The following CPEB3 variants were observed in gnomAD, a reference collection of about 807,000 sequenced individuals.
CPEB3 encodes cytoplasmic polyadenylation element-binding protein 3.
In CPEB3, 20 loss-of-function variants were observed where a neutral mutation model predicts 67.2. The observed-to-expected ratio is 0.30, with a 90% CI of 0.21 to 0.43. The LOEUF is 0.43. CPEB3 is among the 20% of genes least tolerant of loss of function. The probability of loss-of-function intolerance (pLI) is 1.00; values close to 1 mark genes in which losing one functional copy is unlikely to be tolerated. For missense variants in CPEB3, 746 were observed against 968.6 expected, an observed-to-expected ratio of 0.77 and a Z score of 3.05; for synonymous variants, 376 against 393.1, an observed-to-expected ratio of 0.96 and a Z score of 0.51.
At chr10:92,189,717 T>C (rs1165434548) in intron 3 of CPEB3, among the ~76,000 whole-genome samples, 1 of 145,518 alleles carries the variant, frequency 6.9e-6, no homozygotes, top group African/African-American at 2.6e-5. Context: ...TTTTTTTTTT[T>C]TTTTTTTTGA....
intron 2 of CPEB3, among the ~76,000 whole-genome samples, chr10:92,215,443 C>A (rs1415274316): frequency 6.7e-6 from 1 of 149,814 alleles, no homozygotes; most frequent in Non-Finnish European, 1.5e-5. Context: ...TGAGTCACTG[C>A]ACCTGGCTTT....
chr10:92,226,479 G>A (rs893127690), intron 2 of CPEB3, among the ~76,000 whole-genome samples: 3 of 152,186 alleles, frequency 2.0e-5, no homozygotes, highest in African/African-American at 4.8e-5. Flanking sequence ...ACATGTAAAT[G>A]ACCAATAAAT....
At chr10:92,085,669 C>T (rs909007357) in intron 8 of CPEB3, among the ~76,000 whole-genome samples, 1 of 152,046 alleles carries the variant, frequency 6.6e-6, no homozygotes, top group Non-Finnish European at 1.5e-5. Flanking sequence ...AGTGCAGTGA[C>T]ACGATCTCGG....
intron 2 of CPEB3, among the ~76,000 whole-genome samples, chr10:92,198,619 C>T (rs1382314397): frequency 2.6e-5 from 4 of 152,186 alleles, no homozygotes; most frequent in Non-Finnish European, 4.4e-5. Flanking sequence ...ATAAAAGTAG[C>T]TCTGGAACCA....
chr10:92,288,608 T>C (rs1016230869), intron 1 of CPEB3, among the ~76,000 whole-genome samples: 3 of 152,228 alleles, frequency 2.0e-5, no homozygotes, highest in East Asian at 3.8e-4. Flanking sequence ...AGGATTTTTT[T>C]CTACTTTAAA....
Position 92,052,036 on chromosome 10 carries a change from CTG to C in CPEB3, c.*174_*175del, listed in dbSNP as rs1367364787. 3.5e-6 allele frequency: 2 copies of C among 576,264 alleles called. No homozygotes were observed. The highest frequency in any genetic ancestry group is 3.7e-5 in the African/African-American group (2 of 53,582). The allele number at this position is 576,264 out of a possible 1,614,324, so 35.7% of individuals were successfully genotyped here. A position where few individuals can be genotyped will look rare whatever the true frequency, so the allele number is the denominator to read the frequency against. ...CTGCAATTCTGCATTATACTGGACA[CTG>C]AGTTCAGTAATATGACTGTAAATAA... On this transcript the variant is annotated 3_prime_UTR_variant, in exon 10 of 10. Coordinates refer to ENST00000265997, the MANE Select transcript of CPEB3 (RefSeq NM_014912.5).
intron 4 of CPEB3, among the ~76,000 whole-genome samples, chr10:92,159,502 T>C (rs1220759483): frequency 6.6e-6 from 1 of 151,906 alleles, no homozygotes; most frequent in Non-Finnish European, 1.5e-5. Context: ...TGAAACCCCA[T>C]CTCTACTAAA....
chr10:92,192,643 A>G lies in CPEB3; in HGVS notation c.1006-7T>C, dbSNP rs1849035796. On this transcript the variant is annotated splice_region_variant and splice_polypyrimidine_tract_variant and intron_variant, in intron 2 of 9. Coordinates refer to ENST00000265997, the MANE Select transcript of CPEB3 (RefSeq NM_014912.5). The stretch of plus-strand genomic sequence containing the variant: ...CATAGGGCCTACTCCGGTCCTAAGA[A>G]TAAAAACAAAAACAAGACAATACAT... 6.4e-7 allele frequency: 1 copy of G among 1,570,502 alleles called. No homozygotes were observed. The highest frequency in any genetic ancestry group is 1.2e-5 in the South Asian group (1 of 83,684).
intron 4 of CPEB3, among the ~76,000 whole-genome samples, chr10:92,168,566 T>A (rs1176408035): frequency 6.6e-6 from 1 of 152,126 alleles, no homozygotes. Flanking sequence ...TGGGAGGTAA[T>A]TGAATCATGG....
chr10:92,216,942 C>T (rs1850437079), intron 2 of CPEB3: 1 of 665,580 alleles, frequency 1.5e-6, no homozygotes, highest in African/African-American at 1.8e-5. Context: ...ACAGCCCTTT[C>T]ATGAAGGTAA....
intron 2 of CPEB3, chr10:92,216,445 G>C (rs1850400442): frequency 6.2e-7 from 1 of 1,612,842 alleles, no homozygotes; most frequent in Middle Eastern, 1.8e-4. Flanking sequence ...CGCAGCTCCT[G>C]GCTTCTCGCC....
At chr10:92,144,294 CAGGGTCT>C (rs1485361958) in intron 5 of CPEB3, among the ~76,000 whole-genome samples, 2 of 152,086 alleles carry the variant, frequency 1.3e-5, no homozygotes, top group African/African-American at 4.8e-5. Context: ...ACTTATGAGA[CAGGGTCT>C]CACTCTGTCA....
chr10:92,118,772 C>T lies in CPEB3; in HGVS notation c.1454-7578G>A, dbSNP rs181578853. The T allele has an allele frequency of 7.3e-5, 55 of 755,112 alleles. No homozygotes were observed. The East Asian group carries it at 1.2e-3, about 17-fold the overall frequency. The allele number at this position is 755,112 out of a possible 1,614,324, so 46.8% of individuals were successfully genotyped here. On this transcript the variant is annotated intron_variant, in intron 6 of 9. Transcript: ENST00000265997. ...AACCACAGGCAAACAAGAGATGGAG[C>T]GGTTCTGGAATAAGAACACAGGTTT...
chr10:92,105,900 TATTTA>T (rs1844424828), intron 7 of CPEB3, among the ~76,000 whole-genome samples: 1 of 151,664 alleles, frequency 6.6e-6, no homozygotes. Context: ...ATTTTTATTT[TATTTA>T]TTTATGAGAT....
intron 4 of CPEB3, among the ~76,000 whole-genome samples, chr10:92,173,649 G>A (rs1848103967): frequency 6.6e-6 from 1 of 152,106 alleles, no homozygotes; most frequent in East Asian, 1.9e-4. Flanking sequence ...GAGGCAAGAG[G>A]CTCTGCTCCT....
chr10:92,278,969 C>T (rs916100113), intron 1 of CPEB3, among the ~76,000 whole-genome samples: 1 of 151,916 alleles, frequency 6.6e-6, no homozygotes, highest in Non-Finnish European at 1.5e-5. Flanking sequence ...AATACAAGAT[C>T]ATTTCATCTA....
rs1163974877 is a variant in CPEB3, at chr10:92,217,206, CAAAAAAAAA to C, written c.1005+22131_1005+22139del. ...CTGGCGACACAGCGAGACTCTGCCTCAAAAAAAAAAAAAAAAAAAAAAAAAAAATTATAT... is the reference window on the plus strand; with the variant it reads ...CTGGCGACACAGCGAGACTCTGCCTCAAAAAAAAAAAAAAAAAAATTATAT... On this transcript the variant is annotated intron_variant, in intron 2 of 9. Transcript: ENST00000265997. 4.8e-3 allele frequency among the ~76,000 whole-genome samples: 123 copies of C among 25,454 alleles called. 2 individuals are homozygous for C. Among genetic ancestry groups the C allele is most frequent in the African/African-American group, 0.022 (117 of 5,422 alleles). 16.7% of individuals were successfully genotyped at this position (25,454 alleles called of 152,430 possible). A position where few individuals can be genotyped will look rare whatever the true frequency, so the allele number is the denominator to read the frequency against.
rs192757497 is a variant in CPEB3, at chr10:92,112,080, C to T, written c.1454-886G>A. On this transcript the variant is annotated intron_variant, in intron 6 of 9. Coordinates refer to ENST00000265997, the MANE Select transcript of CPEB3 (RefSeq NM_014912.5). Reference sequence around the variant, plus strand: ...TACCGAGTAACTGATACAAGTGGGACATATCCATGGTTTATGAGAATACTA... The same window carrying T: ...TACCGAGTAACTGATACAAGTGGGATATATCCATGGTTTATGAGAATACTA... Among the ~76,000 whole-genome samples the T allele has an allele frequency of 2.0e-5, 3 of 148,796 alleles. No homozygotes were observed. In the East Asian group the frequency reaches 6.0e-4, roughly 30 times the overall value.
intron 2 of CPEB3, chr10:92,216,816 A>G: frequency 6.4e-7 from 1 of 1,568,476 alleles, no homozygotes; most frequent in South Asian, 1.2e-5. Context: ...GCACCTGGGC[A>G]CCTGCCGCTG....
Sources: allele counts gnomAD v4.1 joint callset (sites outside exome capture counted in the v4.1 genomes callset), GRCh38; gene constraint gnomAD v4.1.1; transcripts MANE v1.5; gene names NCBI Gene and HGNC (gene_info 2026-07-23, HGNC 2026-07-21).